PUDP: variants seen among roughly 807,000 people sequenced by gnomAD.
PUDP encodes pseudouridine-5'-phosphatase.
A neutral mutation model predicts 9.4 loss-of-function variants in PUDP; 8 were observed. The observed-to-expected ratio is 0.85, with a 90% CI of 0.50 to 1.53. PUDP has a LOEUF of 1.53. PUDP is among the 40% of genes most tolerant of loss of function. The probability of loss-of-function intolerance (pLI) is 0.00; values close to 1 mark genes in which losing one functional copy is unlikely to be tolerated. For missense variants in PUDP, 188 were observed against 189.7 expected, an observed-to-expected ratio of 0.99 and a Z score of 0.05; for synonymous variants, 99 against 80.7, an observed-to-expected ratio of 1.23 and a Z score of -1.22.
Position 6,802,946 on chromosome X carries a change from TA to T in PUDP, c.*248-96481del, listed in dbSNP as rs1271350132. On this transcript the variant is annotated intron_variant and NMD_transcript_variant, in intron 3 of 3. Transcript: ENST00000655425. ...CATAACATAAAATAATAAAATAAAA[TA>T]AAATAAAATAAAATAAAATAAAATA... Among the ~76,000 whole-genome samples the T allele has an allele frequency of 2.1e-3, 13 of 6,116 alleles. 1 individual carries two copies. Among genetic ancestry groups the T allele is most frequent in the African/African-American group, 0.013 (13 of 1,021 alleles). 5.3% of individuals were successfully genotyped at this position (6,116 alleles called of 115,157 possible).
intron 3 of PUDP, among the ~76,000 whole-genome samples, chrX:7,063,034 C>T (rs746021611): frequency 2.0e-4 from 22 of 109,941 alleles, no homozygotes; most frequent in African/African-American, 7.0e-4. Flanking sequence ...TGGCCTCATG[C>T]AAACTGTCAT....
At chrX:7,013,738 G>A (rs1299298827) in intron 1 of PUDP, among the ~76,000 whole-genome samples, 1 of 112,151 alleles carries the variant, frequency 8.9e-6, no homozygotes, top group Non-Finnish European at 1.9e-5. Flanking sequence ...GGGCTGGAGT[G>A]AGTGCTTTGG....
intron 3 of PUDP, among the ~76,000 whole-genome samples, chrX:6,918,081 T>G (rs1353594801): frequency 8.9e-6 from 1 of 112,156 alleles, no homozygotes; most frequent in Non-Finnish European, 1.9e-5. Flanking sequence ...CATTTCCTGC[T>G]TTTTAATAAG....
intron 3 of PUDP, among the ~76,000 whole-genome samples, chrX:6,968,689 G>A (rs1336612469): frequency 2.8e-5 from 3 of 108,772 alleles, no homozygotes; most frequent in East Asian, 2.9e-4. Flanking sequence ...GCACAGTCTC[G>A]GCTCACTGCA....
chrX:6,740,840 T>C (rs1239789459), intron 3 of PUDP, among the ~76,000 whole-genome samples: 3 of 111,767 alleles, frequency 2.7e-5, no homozygotes. Flanking sequence ...ATGCACTTGA[T>C]AGAATAATTG....
At chrX:6,871,618 C>T (rs1006323047) in intron 3 of PUDP, among the ~76,000 whole-genome samples, 1 of 111,467 alleles carries the variant, frequency 9.0e-6, no homozygotes, top group Non-Finnish European at 1.9e-5. Context: ...GTGGTCAACA[C>T]CCAAAGGCCA....
intron 3 of PUDP, among the ~76,000 whole-genome samples, chrX:6,933,737 A>C (rs1928245972): frequency 1.8e-5 from 2 of 110,719 alleles, no homozygotes; most frequent in African/African-American, 6.6e-5. Context: ...ATTTTGAAAA[A>C]AATTTAGAAG....
At chrX:6,780,725 A>G (rs1412801495) in intron 3 of PUDP, among the ~76,000 whole-genome samples, 1 of 111,037 alleles carries the variant, frequency 9.0e-6, no homozygotes, top group Non-Finnish European at 1.9e-5. Flanking sequence ...GGCTGGATAA[A>G]CATGTACACA....
intron 3 of PUDP, among the ~76,000 whole-genome samples, chrX:6,766,100 T>TA (rs1168981086): frequency 4.8e-4 from 51 of 107,202 alleles, no homozygotes; most frequent in Admixed American, 8.0e-4. Flanking sequence ...TTCAGATGCT[T>TA]AAAAAAAAAA....
At chrX:6,849,248 G>A (rs1418062554) in intron 3 of PUDP, among the ~76,000 whole-genome samples, 2 of 112,264 alleles carry the variant, frequency 1.8e-5, no homozygotes, top group African/African-American at 6.5e-5. Flanking sequence ...GGGAAAGTGG[G>A]TCATGCGAGC....
chrX:6,810,907 T>C (rs1926133216), intron 3 of PUDP, among the ~76,000 whole-genome samples: 1 of 111,658 alleles, frequency 9.0e-6, no homozygotes, highest in East Asian at 2.8e-4. Flanking sequence ...AGTGGGTTTT[T>C]AGATAACGTT....
chrX:7,102,296 C>A (rs1284178104), intron 2 of PUDP, among the ~76,000 whole-genome samples: 2 of 85,289 alleles, frequency 2.3e-5, no homozygotes, highest in Non-Finnish European at 2.3e-5. Context: ...CATATGAAAC[C>A]ACATTTACAG....
intron 3 of PUDP, among the ~76,000 whole-genome samples, chrX:6,832,485 A>G (rs570499181): frequency 8.9e-6 from 1 of 112,149 alleles, no homozygotes; most frequent in African/African-American, 3.2e-5. Flanking sequence ...GTTGGCCACT[A>G]CCACTACTTG....
At chrX:6,961,038 A>AT (rs1263813162) in intron 3 of PUDP, among the ~76,000 whole-genome samples, 1 of 111,326 alleles carries the variant, frequency 9.0e-6, no homozygotes, top group African/African-American at 3.3e-5. Flanking sequence ...CACTCTCCTT[A>AT]TTTTTTTCTA....
rs1929884258 is a variant in PUDP at position 7,038,745 on chromosome X, T to G, written c.204+38475A>C. 2.7e-5 allele frequency among the ~76,000 whole-genome samples: 3 copies of G among 111,651 alleles called. No individual in the cohort carries two copies. The South Asian group carries it at 1.1e-3, about 42-fold the overall frequency. ...CACTTCATGTTACTATATACTTCTA[T>G]TAAAACAGCAAAAAGGAAATTATAG... On this transcript the variant is annotated intron_variant and NMD_transcript_variant, in intron 1 of 3. Transcript: ENST00000655425.
chrX:7,076,250 G>GTA (rs2146864566), intron 3 of PUDP, among the ~76,000 whole-genome samples: 1 of 112,187 alleles, frequency 8.9e-6, no homozygotes, highest in African/African-American at 3.2e-5. Flanking sequence ...TGGTGTCACT[G>GTA]GTTAGTAATG....
At chrX:6,736,230 C>T (rs113400555) in intron 3 of PUDP, among the ~76,000 whole-genome samples, 4,951 of 111,051 alleles carry the variant, frequency 0.045, 105 homozygotes, top group African/African-American at 0.059. Flanking sequence ...AAACTCGTAT[C>T]CTCAGTGAAT....
intron 3 of PUDP, among the ~76,000 whole-genome samples, chrX:7,059,843 C>T (rs754916830): frequency 8.0e-5 from 9 of 111,964 alleles, no homozygotes; most frequent in African/African-American, 2.3e-4. Flanking sequence ...AAAGAGAGTG[C>T]CTTTGCTGGC....
intron 1 of PUDP, among the ~76,000 whole-genome samples, chrX:7,144,343 T>A (rs1176665334): frequency 4.5e-5 from 5 of 112,282 alleles, no homozygotes; most frequent in African/African-American, 1.6e-4. Flanking sequence ...GCGCTAATAT[T>A]ACGTAAGAAA....
Sources: allele counts gnomAD v4.1 joint callset (sites outside exome capture counted in the v4.1 genomes callset), GRCh38; gene constraint gnomAD v4.1.1; transcripts MANE v1.5; gene names NCBI Gene and HGNC (gene_info 2026-07-23, HGNC 2026-07-21).